Variants in DNLZ observed in about 807,000 individuals in gnomAD.
DNLZ encodes DNL-type zinc finger protein.
Under a neutral mutation model 7.8 loss-of-function variants are expected in DNLZ, and 15 were observed. The ratio of observed to expected loss-of-function variants is 1.91; its 90% CI spans 1.28 to 2.95. DNLZ has a LOEUF of 2.95. DNLZ is among the 30% of genes most tolerant of loss of function. The pLI, the probability that DNLZ is intolerant of heterozygous loss-of-function variation, is 0.00. For missense variants in DNLZ, 255 were observed against 167.3 expected, an observed-to-expected ratio of 1.52 and a Z score of -2.89; for synonymous variants, 123 against 77.8, an observed-to-expected ratio of 1.58 and a Z score of -3.05.
chr9:136,363,551 G>C lies in DNLZ; in HGVS notation c.164C>G (p.Pro55Arg), dbSNP rs1265040667. The C allele has an allele frequency of 2.8e-6, 2 of 715,868 alleles. No homozygotes were observed. The highest frequency in any genetic ancestry group is 5.1e-6 in the Non-Finnish European group (2 of 395,024). The allele number at this position is 715,868 out of a possible 1,614,324, so 44.3% of individuals were successfully genotyped here. ...GCGCCCCAGAGCCGCCGCGGGCCCC[G>C]GCCCCTGCTCGGAGCTTGAGCGCCG... is the stretch of plus-strand genomic sequence containing the variant. ...GWRRSSSEQGPGPAAALGRVE... is the reference protein window; with the variant it reads ...GWRRSSSEQGRGPAAALGRVE... Residue 55 changes from proline (P) to arginine (R), a missense_variant, in exon 1 of 3, where the codon CCG becomes CGG. Transcript: ENST00000371738.
In DNLZ at chr9:136,359,621, G is replaced by A. The variant is rs1218127633; in HGVS notation, c.*2391C>T. On this transcript the variant is annotated 3_prime_UTR_variant, in exon 3 of 3. Coordinates refer to ENST00000371738, the MANE Select transcript of DNLZ (RefSeq NM_001080849.3). ...AGTGAGTGTGGTCCGTATGGGCTTA[G>A]TCCCGGGTGGGGGCCTAACCCGGTA... 1 of 152,378 alleles carries A rather than the reference G, an allele frequency of 6.6e-6. No homozygotes were observed. Among genetic ancestry groups the A allele is most frequent in the East Asian group, 1.9e-4 (1 of 5,334 alleles). The allele number at this position is 152,378 out of a possible 1,614,324, so 9.4% of individuals were successfully genotyped here.
In DNLZ at chr9:136,363,547, C is replaced by T. The variant is rs754469185; in HGVS notation, c.168G>A (p.Gly56=). 1 of 723,270 alleles carries T rather than the reference C, an allele frequency of 1.4e-6. No homozygotes were observed. The highest frequency in any genetic ancestry group is 2.5e-6 in the Non-Finnish European group (1 of 398,806). The allele number at this position is 723,270 out of a possible 1,614,324, so 44.8% of individuals were successfully genotyped here. A position where few individuals can be genotyped will look rare whatever the true frequency, so the allele number is the denominator to read the frequency against. The part of the protein sequence containing the change: ...WRRSSSEQGP[G]PAAALGRVEA... ...CCACGCGCCCCAGAGCCGCCGCGGG[C>T]CCCGGCCCCTGCTCGGAGCTTGAGC... is the stretch of plus-strand genomic sequence containing the variant. The change falls in exon 1 of 3, where the codon GGG becomes GGA. Residue 56 remains glycine (G), a synonymous_variant. Coordinates refer to ENST00000371738, the MANE Select transcript of DNLZ (RefSeq NM_001080849.3).
At chr9:136,363,242 C>A in intron 1 of DNLZ, 114 bp from the exon 2 acceptor site, 1 of 1,280,392 alleles carries the variant, frequency 7.8e-7, no homozygotes, top group Non-Finnish European at 1.1e-6. Flanking sequence ...GAAGGCCCCG[C>A]CCCCGAGGGA....
rs551653210 is a variant in DNLZ, at chr9:136,361,569, G to C, written c.*443C>G. On this transcript the variant is annotated 3_prime_UTR_variant, in exon 3 of 3. Transcript: ENST00000371738. ...CCGACGGCCGGCGGCCGAGGACCAGGGCTCAGGTCTGCACTGGCTCACGGA... is the reference window on the plus strand; with the variant it reads ...CCGACGGCCGGCGGCCGAGGACCAGCGCTCAGGTCTGCACTGGCTCACGGA... 528 of 158,452 alleles carry C rather than the reference G, an allele frequency of 3.3e-3. 3 individuals carry two copies. The highest frequency in any genetic ancestry group is 3.4e-3 in the Non-Finnish European group (243 of 72,426). 9.8% of individuals were successfully genotyped at this position (158,452 alleles called of 1,614,324 possible).
At position 136,360,753 on chromosome 9, in the gene DNLZ, C is replaced by T. The variant is rs113747686; in HGVS notation, c.*1259G>A. The T allele has an allele frequency of 4.9e-4, 75 of 152,328 alleles. No individual in the cohort carries two copies. The highest frequency in any genetic ancestry group is 1.7e-3 in the African/African-American group (70 of 41,548). 9.4% of individuals were successfully genotyped at this position (152,328 alleles called of 1,614,324 possible). On this transcript the variant is annotated 3_prime_UTR_variant, in exon 3 of 3. Transcript: ENST00000371738. Reference sequence around the variant, plus strand: ...TAACGTCCACATCCCAACTACCAGCCGCCATCTCCCCATCCGTAAGAGGAG... The same window carrying T: ...TAACGTCCACATCCCAACTACCAGCTGCCATCTCCCCATCCGTAAGAGGAG...
In DNLZ at chr9:136,361,688, G is replaced by A; in HGVS notation, c.*324C>T. 3.7e-6 allele frequency: 1 copy of A among 271,350 alleles called. No individual in the cohort carries two copies. Among genetic ancestry groups the A allele is most frequent in the Non-Finnish European group, 6.9e-6 (1 of 145,470 alleles). The allele number at this position is 271,350 out of a possible 1,614,324, so 16.8% of individuals were successfully genotyped here. ...GTGGTGACCTGCTCAAAGTCACGCA[G>A]CGACAGCCAGGAAGGGCTCTGACGC... On this transcript the variant is annotated 3_prime_UTR_variant, in exon 3 of 3. Coordinates refer to ENST00000371738, the MANE Select transcript of DNLZ (RefSeq NM_001080849.3).
Position 136,363,741 on chromosome 9 carries a change from C to A in DNLZ, c.-27G>T, listed in dbSNP as rs1462122800. The A allele has an allele frequency of 2.1e-6, 1 of 485,256 alleles. No homozygotes were observed. Among genetic ancestry groups the A allele is most frequent in the Non-Finnish European group, 3.6e-6 (1 of 280,940 alleles). The allele number at this position is 485,256 out of a possible 1,614,324, so 30.1% of individuals were successfully genotyped here. On this transcript the variant is annotated 5_prime_UTR_variant, in exon 1 of 3. Coordinates refer to ENST00000371738, the MANE Select transcript of DNLZ (RefSeq NM_001080849.3). ...CCGCTCGCCGGCTCCGTCCGCCCTG[C>A]CCCGGCCCCGCCCCGCCGCCATCTT...
Position 136,362,043 on chromosome 9 carries a change from G to T in DNLZ, c.506C>A (p.Pro169His), listed in dbSNP as rs3812553. Residue 169 changes from proline (P) to histidine (H), a missense_variant, in exon 3 of 3, where the codon CCC becomes CAC. Pro to His is a moderately conservative substitution (Grantham distance 77). Transcript: ENST00000371738. ...CGGCTCCGTCTTGCCAGGGCTGGGG[G>T]GACCCTCATCCTCACCCGCTTCCGG... ...AAPEAGEDEG[P>H]PSPGKTEPS 0.033 allele frequency: 45,909 copies of T among 1,379,270 alleles called. 939 individuals carry two copies. Among genetic ancestry groups the T allele is most frequent in the East Asian group, 0.097 (3,399 of 35,128 alleles). The allele number at this position is 1,379,270 out of a possible 1,614,324, so 85.4% of individuals were successfully genotyped here. A position where few individuals can be genotyped will look rare whatever the true frequency, so the allele number is the denominator to read the frequency against.
At chr9:136,362,581 C>A (rs890191176) in intron 2 of DNLZ, among the ~76,000 whole-genome samples, 1 of 152,222 alleles carries the variant, frequency 6.6e-6, no homozygotes, top group African/African-American at 2.4e-5. Context: ...CCCGGCACCA[C>A]CTCCACTGCT....
chr9:136,363,067 A>G lies in DNLZ; in HGVS notation c.290T>C (p.Ile97Thr), dbSNP rs751817806. The G allele has an allele frequency of 1.9e-6, 3 of 1,613,602 alleles. No homozygotes were observed. Among genetic ancestry groups the G allele is most frequent in the South Asian group, 1.1e-5 (1 of 91,090 alleles). ...GTTCTGGCAGCCGGGGCAGGTCACAATGACCACGCCTTGGTGATAGGCCAG... is the reference window on the plus strand; with the variant it reads ...GTTCTGGCAGCCGGGGCAGGTCACAGTGACCACGCCTTGGTGATAGGCCAG... ...SKLAYHQGVVIVTCPGCQNHH... is the reference protein window; with the variant it reads ...SKLAYHQGVVTVTCPGCQNHH... The change falls in exon 2 of 3, where the codon ATT (isoleucine) becomes ACT (threonine). Residue 97 changes from isoleucine to threonine, a missense_variant. Ile to Thr is a moderately conservative substitution (Grantham distance 89). Transcript: ENST00000371738.
rs1564365036 is a variant in DNLZ at position 136,363,720 on chromosome 9, T to TCGCCGGCTCCGTCCGCCCTG, written c.-26_-7dup. ...CGCAGCGCAGTCCGCAGCATCCCGC[T>TCGCCGGCTCCGTCCGCCCTG]CGCCGGCTCCGTCCGCCCTGCCCCG... On this transcript the variant is annotated 5_prime_UTR_variant, in exon 1 of 3. Transcript: ENST00000371738. 2.3e-6 allele frequency: 1 copy of TCGCCGGCTCCGTCCGCCCTG among 435,458 alleles called. No homozygotes were observed. The highest frequency in any genetic ancestry group is 4.0e-6 in the Non-Finnish European group (1 of 250,436). The allele number at this position is 435,458 out of a possible 1,614,324, so 27.0% of individuals were successfully genotyped here. A position where few individuals can be genotyped will look rare whatever the true frequency, so the allele number is the denominator to read the frequency against.
In DNLZ at chr9:136,363,409, C is replaced by T. The variant is rs536350972; in HGVS notation, c.228+78G>A. On this transcript the variant is annotated intron_variant, in intron 1 of 2. Coordinates refer to ENST00000371738, the MANE Select transcript of DNLZ (RefSeq NM_001080849.3). ...TTGACCACGCCGCCTCCCGGATCCCCGGCGGGCCGCTTCTCCCCGCAGGCC... is the reference window on the plus strand; with the variant it reads ...TTGACCACGCCGCCTCCCGGATCCCTGGCGGGCCGCTTCTCCCCGCAGGCC... The T allele has an allele frequency of 1.1e-4, 84 of 756,928 alleles. No homozygotes were observed. In the African/African-American group the frequency reaches 1.2e-3, roughly 11 times the overall value. 46.9% of individuals were successfully genotyped at this position (756,928 alleles called of 1,614,324 possible).
rs758375097 is a variant in DNLZ at position 136,361,853 on chromosome 9, G to T, written c.*159C>A. The T allele has an allele frequency of 8.0e-6, 4 of 502,000 alleles. No homozygotes were observed. The South Asian group carries it at 3.1e-4, about 39-fold the overall frequency. The allele number at this position is 502,000 out of a possible 1,614,324, so 31.1% of individuals were successfully genotyped here. On this transcript the variant is annotated 3_prime_UTR_variant, in exon 3 of 3. Coordinates refer to ENST00000371738, the MANE Select transcript of DNLZ (RefSeq NM_001080849.3). ...GCAGCACCAGGGATTCAGAGCAATC[G>T]TTCTAACTCCAGAAAAAGAAAGGCC...
rs1832986502 is a variant in DNLZ at position 136,361,922 on chromosome 9, T to C, written c.*90A>G. The C allele has an allele frequency of 2.0e-6, 2 of 992,392 alleles. No individual in the cohort carries two copies. Among genetic ancestry groups the C allele is most frequent in the East Asian group, 3.3e-5 (1 of 30,716 alleles). The allele number at this position is 992,392 out of a possible 1,614,324, so 61.5% of individuals were successfully genotyped here. On this transcript the variant is annotated 3_prime_UTR_variant, in exon 3 of 3. Transcript: ENST00000371738. ...AGCATCTGGAAGTAATGTCTGTTTATTGATAGAAAACAGGCCACGTCCAGA... is the reference window on the plus strand; with the variant it reads ...AGCATCTGGAAGTAATGTCTGTTTACTGATAGAAAACAGGCCACGTCCAGA...
In DNLZ at chr9:136,362,071, C is replaced by T. The variant is rs1832989452; in HGVS notation, c.478G>A (p.Ala160Thr). 1.4e-6 allele frequency: 2 copies of T among 1,441,678 alleles called. No individual in the cohort carries two copies. The highest frequency in any genetic ancestry group is 1.5e-5 in the South Asian group (1 of 68,582). The allele number at this position is 1,441,678 out of a possible 1,614,324, so 89.3% of individuals were successfully genotyped here. ...EAAGAPTSTA[A>T]PEAGEDEGPP... ...CCCTCATCCTCACCCGCTTCCGGAG[C>T]TGCAGTGGATGTGGGGGCCCCTGCA... The change falls in exon 3 of 3, where the codon GCT (alanine) becomes ACT (threonine). Residue 160 changes from alanine (A) to threonine (T), a missense_variant. Physicochemically the swap from Ala to Thr is moderately conservative, Grantham distance 58. Transcript: ENST00000371738.
At chr9:136,362,536 A>G (rs1383482567) in intron 2 of DNLZ, among the ~76,000 whole-genome samples, 1 of 152,196 alleles carries the variant, frequency 6.6e-6, no homozygotes, top group Non-Finnish European at 1.5e-5. Context: ...TGTCCTGCCC[A>G]GGACCTCCCG....
rs753493715 is a variant in DNLZ at position 136,363,543 on chromosome 9, C to T, written c.172G>A (p.Ala58Thr). Residue 58 changes from alanine to threonine, a missense_variant, in exon 1 of 3, where the codon GCG (alanine) becomes ACG (threonine). Physicochemically the swap from Ala to Thr is moderately conservative, Grantham distance 58. Transcript: ENST00000371738. ...RSSSEQGPGP[A>T]AALGRVEAAH... ...GCCTCCACGCGCCCCAGAGCCGCCG[C>T]GGGCCCCGGCCCCTGCTCGGAGCTT... 6.9e-6 allele frequency: 5 copies of T among 724,796 alleles called. No individual in the cohort carries two copies. Among genetic ancestry groups the T allele is most frequent in the East Asian group, 2.6e-5 (1 of 37,982 alleles). The allele number at this position is 724,796 out of a possible 1,614,324, so 44.9% of individuals were successfully genotyped here. A position where few individuals can be genotyped will look rare whatever the true frequency, so the allele number is the denominator to read the frequency against.
intron 2 of DNLZ, 66 bp downstream of exon 2, chr9:136,362,923 T>A (rs923863751): frequency 7.9e-6 from 12 of 1,515,164 alleles, no homozygotes; most frequent in Non-Finnish European, 8.2e-6. Context: ...TAGGGCAAGG[T>A]TCCCCCAGGG....
Position 136,361,904 on chromosome 9 carries a change from G to A in DNLZ, c.*108C>T. The stretch of plus-strand genomic sequence containing the variant: ...ACGAGGGCCACAGGCCCCAGCATCT[G>A]GAAGTAATGTCTGTTTATTGATAGA... On this transcript the variant is annotated 3_prime_UTR_variant, in exon 3 of 3. Coordinates refer to ENST00000371738, the MANE Select transcript of DNLZ (RefSeq NM_001080849.3). 1.2e-6 allele frequency: 1 copy of A among 853,384 alleles called. No individual in the cohort carries two copies. The highest frequency in any genetic ancestry group is 1.6e-6 in the Non-Finnish European group (1 of 638,502). The allele number at this position is 853,384 out of a possible 1,614,324, so 52.9% of individuals were successfully genotyped here. A position where few individuals can be genotyped will look rare whatever the true frequency, so the allele number is the denominator to read the frequency against.
Sources: allele counts gnomAD v4.1 joint callset (sites outside exome capture counted in the v4.1 genomes callset), GRCh38; gene constraint gnomAD v4.1.1; transcripts MANE v1.5; gene names NCBI Gene and HGNC (gene_info 2026-07-23, HGNC 2026-07-21).